The following KLC1 variants were observed in gnomAD, a reference collection of about 807,000 sequenced individuals.
KLC1 encodes kinesin light chain 1.
A neutral mutation model predicts 84.2 loss-of-function variants in KLC1; 30 were observed. The ratio of observed to expected loss-of-function variants is 0.36; its 90% CI spans 0.27 to 0.48. The LOEUF (loss-of-function observed/expected upper bound fraction) is 0.48. KLC1 is among the 20% of genes least tolerant of loss of function. KLC1 has a pLI of 0.99. For synonymous variants in KLC1, 289 were observed against 293.3 expected, an observed-to-expected ratio of 0.99 and a Z score of 0.15; for missense variants, 499 against 805.4, an observed-to-expected ratio of 0.62 and a Z score of 4.60.
At chr14:103,632,431 C>A (rs2076755570) in intron 1 of KLC1, among the ~76,000 whole-genome samples, 1 of 150,598 alleles carries the variant, frequency 6.6e-6, no homozygotes, top group African/African-American at 2.4e-5. Flanking sequence ...AAAAGAGCCG[C>A]TGTCAGCCGT....
chr14:103,696,373 G>T (rs919887461), intron 15 of KLC1: 1 of 985,272 alleles, frequency 1.0e-6, no homozygotes, highest in African/African-American at 1.7e-5. Context: ...GTATTGGAGG[G>T]ATTCACATCG....
chr14:103,634,857 A>G (rs1660560968), intron 1 of KLC1, among the ~76,000 whole-genome samples: 2 of 152,062 alleles, frequency 1.3e-5, no homozygotes, highest in Non-Finnish European at 2.9e-5. Flanking sequence ...TCGGGATTAC[A>G]GGTTTGAGCC....
In KLC1 at chr14:103,692,516, T is replaced by G. The variant is rs886653984; in HGVS notation, c.1848+91T>G. The G allele has an allele frequency of 1.4e-5, 16 of 1,106,840 alleles. No individual in the cohort carries two copies. In the East Asian group the frequency reaches 3.6e-4, roughly 25 times the overall value. 68.6% of individuals were successfully genotyped at this position (1,106,840 alleles called of 1,614,324 possible). On this transcript the variant is annotated intron_variant, in intron 15 of 16. Coordinates refer to ENST00000334553, the MANE Select transcript of KLC1 (RefSeq NM_001394837.1). ...CCGCACTCGGCCCCTGCTCGGCCCC[T>G]GCTCCTGCAGAGGGCTGGGGACGCC...
At chr14:103,690,523 G>C (rs993394839) in intron 14 of KLC1, among the ~76,000 whole-genome samples, 1 of 152,212 alleles carries the variant, frequency 6.6e-6, no homozygotes, top group African/African-American at 2.4e-5. Context: ...TGGGCTTTCA[G>C]CCTCATCCCA....
intron 13 of KLC1, chr14:103,679,874 A>G (rs906832415): frequency 4.2e-6 from 1 of 235,742 alleles, no homozygotes; most frequent in African/African-American, 2.2e-5. Context: ...TTGCTTCTTT[A>G]ACTCACCCAT....
Position 103,648,046 on chromosome 14 carries a change from A to AT in KLC1, c.-1-6516dup, listed in dbSNP as rs560182633. 3.1e-4 allele frequency among the ~76,000 whole-genome samples: 47 copies of AT among 151,554 alleles called. No homozygotes were observed. In the East Asian group the frequency reaches 7.9e-3, roughly 26 times the overall value. ...GCTCACTGCAACCTCTGCCTCCCAGATTCAAGCAATTCTTCTGCCTCAAGC... is the reference window on the plus strand; with the variant it reads ...GCTCACTGCAACCTCTGCCTCCCAGATTTCAAGCAATTCTTCTGCCTCAAGC... On this transcript the variant is annotated intron_variant, in intron 1 of 16. Coordinates refer to ENST00000334553, the MANE Select transcript of KLC1 (RefSeq NM_001394837.1).
intron 1 of KLC1, among the ~76,000 whole-genome samples, chr14:103,644,943 A>G (rs531347534): frequency 6.7e-6 from 1 of 149,984 alleles, no homozygotes; most frequent in Non-Finnish European, 1.5e-5. Context: ...TTTCTGTTCT[A>G]TTCTGTTCTT....
rs370745406 is a variant in KLC1, at chr14:103,679,450, C to T, written c.1555C>T (p.Arg519Cys). 1.5e-5 allele frequency: 24 copies of T among 1,614,126 alleles called. No individual in the cohort carries two copies. Among genetic ancestry groups the T allele is most frequent in the Admixed American group, 8.3e-5 (5 of 60,004 alleles). Residue 519 changes from arginine (R) to cysteine (C), a missense_variant, in exon 13 of 17, where the codon CGC becomes TGC. Arg to Cys is a radical substitution (Grantham distance 180). Coordinates refer to ENST00000334553, the MANE Select transcript of KLC1 (RefSeq NM_001394837.1). ...CAATGACCCTGAGAACATGGAGAAG[C>T]GCAGGAGCCGTGAGAGCCTCAACGT... ...VLNDPENMEKRRSRESLNVDV... is the reference protein window; with the variant it reads ...VLNDPENMEKCRSRESLNVDV...
intron 7 of KLC1, 54 bp downstream of exon 7, chr14:103,670,337 T>TG (rs925447592): frequency 1.3e-5 from 16 of 1,209,220 alleles, no homozygotes; most frequent in African/African-American, 6.3e-5. Context: ...TGTGTGTGTG[T>TG]GGTTTTTTTT....
Position 103,700,672 on chromosome 14 carries a change from C to T in KLC1, c.1866C>T (p.Ala622=), listed in dbSNP as rs943699838. The T allele has an allele frequency of 8.1e-6, 13 of 1,607,880 alleles. No homozygotes were observed. The African/African-American group carries it at 1.5e-4, about 18-fold the overall frequency. ...EDRFQGVSGR[A]SFCGKRQQQQ... ...ATCTCCAGGGCGTCTCTGGCCGAGC[C>T]TCTTTTTGTGGAAAACGACAGCAGC... Residue 622 remains alanine (A), a synonymous_variant, in exon 16 of 17, where the codon GCC becomes GCT. Coordinates refer to ENST00000334553, the MANE Select transcript of KLC1 (RefSeq NM_001394837.1).
intron 5 of KLC1, among the ~76,000 whole-genome samples, chr14:103,667,699 A>G (rs866395961): frequency 1.3e-5 from 2 of 152,228 alleles, no homozygotes; most frequent in Admixed American, 6.5e-5. Context: ...GCAGCTTACA[A>G]TAGGATGTAA....
chr14:103,673,548 C>A, intron 9 of KLC1, 117 bp downstream of exon 9: 1 of 635,282 alleles, frequency 1.6e-6, no homozygotes, highest in South Asian at 2.3e-5. Flanking sequence ...CATCACTAAG[C>A]TAAATAGTTT....
At chr14:103,629,794 G>GGCCCTGCCCAGGGCCCC (rs1340847155) in intron 1 of KLC1, among the ~76,000 whole-genome samples, 1 of 152,014 alleles carries the variant, frequency 6.6e-6, no homozygotes, top group Non-Finnish European at 1.5e-5. Context: ...TCCGGTCCCC[G>GGCCCTGCCCAGGGCCCC]GCCCTGCCCA....
At chr14:103,671,404 G>A in intron 7 of KLC1, among the ~76,000 whole-genome samples, 1 of 151,798 alleles carries the variant, frequency 6.6e-6, no homozygotes, top group Admixed American at 6.6e-5. Context: ...GAGTCTTGCT[G>A]TGTCGCCCAG....
intron 1 of KLC1, among the ~76,000 whole-genome samples, chr14:103,637,729 C>T (rs1316785827): frequency 1.3e-5 from 2 of 152,042 alleles, no homozygotes; most frequent in Non-Finnish European, 2.9e-5. Flanking sequence ...ATTTTTGAGA[C>T]AGGATCTTGC....
chr14:103,629,743 C>T (rs1236481377), intron 1 of KLC1, among the ~76,000 whole-genome samples: 1 of 152,064 alleles, frequency 6.6e-6, no homozygotes, highest in East Asian at 1.9e-4. Context: ...GCCCCGGCTC[C>T]CGGCGCCGCG....
At chr14:103,696,122 C>A in intron 15 of KLC1, 2 of 966,634 alleles carry the variant, frequency 2.1e-6, no homozygotes, top group Non-Finnish European at 2.4e-6. Flanking sequence ...CCCACAGCAG[C>A]CGTGTGTGCA....
chr14:103,631,981 T>A (rs2076725173), intron 1 of KLC1, among the ~76,000 whole-genome samples: 1 of 152,156 alleles, frequency 6.6e-6, no homozygotes. Context: ...AGTGTCAAAT[T>A]TCAGGGCATA....
intron 14 of KLC1, 126 bp from the exon 15 acceptor site, chr14:103,692,233 T>A: frequency 7.6e-6 from 6 of 785,808 alleles, no homozygotes; most frequent in African/African-American, 1.7e-5. Flanking sequence ...CCAAGCAAGA[T>A]GAAGGCAAGG....
Sources: allele counts gnomAD v4.1 joint callset (sites outside exome capture counted in the v4.1 genomes callset), GRCh38; gene constraint gnomAD v4.1.1; transcripts MANE v1.5; gene names NCBI Gene and HGNC (gene_info 2026-07-23, HGNC 2026-07-21).